The following GPR107 variants were observed in gnomAD, a reference collection of about 807,000 sequenced individuals.
The protein encoded by GPR107 is protein GPR107.
GPR107 carries 31 observed loss-of-function variants against 75.5 expected under a neutral mutation model. The observed-to-expected ratio is 0.41, with a 90% CI of 0.31 to 0.55. The LOEUF (loss-of-function observed/expected upper bound fraction) is 0.55. Ranked by LOEUF, GPR107 falls within the 20% of genes least tolerant of loss-of-function variation. The pLI, the probability that GPR107 is intolerant of heterozygous loss-of-function variation, is 0.26. For synonymous variants in GPR107, 267 were observed against 251.3 expected (o/e 1.06, Z -0.59); for missense variants, 572 against 665.7 (o/e 0.86, Z 1.55).
At chr9:130,054,907 C>CTCCCCAAACCTG (rs1289058479) in intron 1 of GPR107, among the ~76,000 whole-genome samples, 2 of 152,136 alleles carry the variant, frequency 1.3e-5, no homozygotes, top group Non-Finnish European at 2.9e-5. Flanking sequence ...TAAGGACCCC[C>CTCCCCAAACCTG]TCCCCAAACC....
intron 15 of GPR107, among the ~76,000 whole-genome samples, chr9:130,125,171 T>C (rs1042949068): frequency 1.5e-5 from 2 of 134,736 alleles, no homozygotes; most frequent in African/African-American, 2.8e-5. Flanking sequence ...CGATCTTCGC[T>C]CACTGCAATC....
chr9:130,114,957 G>T lies in GPR107; in HGVS notation c.1306+7418G>T, dbSNP rs538100040. On this transcript the variant is annotated intron_variant, in intron 14 of 17. Transcript: ENST00000347136. ...TGTTTAAGATGTCTGTTAGTCCAGG[G>T]CAGCTTATGCCAAAGAACTCTGTTG... Among the ~76,000 whole-genome samples the T allele has an allele frequency of 9.2e-5, 14 of 152,280 alleles. No individual in the cohort carries two copies. In the East Asian group the frequency reaches 2.7e-3, roughly 29 times the overall value.
chr9:130,139,204 A>G lies in GPR107; in HGVS notation c.*4083A>G, dbSNP rs1158432000. The G allele has an allele frequency of 1.3e-5, 2 of 152,188 alleles. No homozygotes were observed. Among genetic ancestry groups the G allele is most frequent in the African/African-American group, 4.8e-5 (2 of 41,438 alleles). 9.4% of individuals were successfully genotyped at this position (152,188 alleles called of 1,614,324 possible). A position where few individuals can be genotyped will look rare whatever the true frequency, so the allele number is the denominator to read the frequency against. On this transcript the variant is annotated 3_prime_UTR_variant, in exon 18 of 18. Transcript: ENST00000347136. The stretch of plus-strand genomic sequence containing the variant: ...TCAGCAAGTTAATGGCTTCCTCGCT[A>G]TAGAAGTGAGACTTTGACTTGATGC...
At chr9:130,124,882 C>A in intron 14 of GPR107, 33 bp from the exon 15 acceptor site, 1 of 1,404,048 alleles carries the variant, frequency 7.1e-7, no homozygotes, top group Non-Finnish European at 9.9e-7. Flanking sequence ...GAGAAGTTAA[C>A]GAGCTCTTCA....
In GPR107 at chr9:130,103,449, G is replaced by A. The variant is rs1486144256; in HGVS notation, c.1132-971G>A. ...CCATTCCCAGTGGTAATCTTCAAAAGGATGTATTATAAGTGGTAAATTTCC... is the reference window on the plus strand; with the variant it reads ...CCATTCCCAGTGGTAATCTTCAAAAAGATGTATTATAAGTGGTAAATTTCC... On this transcript the variant is annotated intron_variant, in intron 12 of 17. Coordinates refer to ENST00000347136, the MANE Select transcript of GPR107 (RefSeq NM_020960.5). This position sits in a 1 kb window ranked among gnomAD's most constrained non-coding sequence, Gnocchi z 4.3. Among the ~76,000 whole-genome samples the A allele has an allele frequency of 6.6e-6, 1 of 152,158 alleles. No individual in the cohort carries two copies. Among genetic ancestry groups the A allele is most frequent in the Non-Finnish European group, 1.5e-5 (1 of 68,034 alleles).
intron 1 of GPR107, among the ~76,000 whole-genome samples, chr9:130,073,251 T>C (rs1213467566): frequency 6.6e-6 from 1 of 152,262 alleles, no homozygotes; most frequent in Non-Finnish European, 1.5e-5. Context: ...CTGAGGATTC[T>C]GCCAGAGAAT....
intron 4 of GPR107, 82 bp downstream of exon 4, chr9:130,077,460 G>C: frequency 1.3e-6 from 1 of 780,874 alleles, no homozygotes; most frequent in Non-Finnish European, 2.3e-6. Context: ...TTCCTTGGGT[G>C]TCTGCCATGT....
chr9:130,082,580 C>T (rs142621534), intron 5 of GPR107, among the ~76,000 whole-genome samples: 3,287 of 150,514 alleles, frequency 0.022, 52 homozygotes, highest in Middle Eastern at 0.035. Context: ...CCCAGGTTCA[C>T]GCCATTCTCC....
At chr9:130,070,408 A>G (rs1830176558) in intron 1 of GPR107, among the ~76,000 whole-genome samples, 1 of 152,014 alleles carries the variant, frequency 6.6e-6, no homozygotes, top group South Asian at 2.1e-4. Flanking sequence ...GGTTCAAGTT[A>G]TTCTCCTGCC....
intron 1 of GPR107, among the ~76,000 whole-genome samples, chr9:130,066,765 C>A (rs1365716133): frequency 1.3e-5 from 2 of 152,112 alleles, no homozygotes; most frequent in African/African-American, 4.8e-5. Context: ...GCAGGCAGAT[C>A]ACGAGGTCAG....
chr9:130,112,621 G>T lies in GPR107; in HGVS notation c.1306+5082G>T, dbSNP rs186201235. Among the ~76,000 whole-genome samples the T allele has an allele frequency of 6.6e-6, 1 of 152,340 alleles. No homozygotes were observed. The highest frequency in any genetic ancestry group is 6.5e-5 in the Admixed American group (1 of 15,300). ...CTTTTAATATTCTGTGAGACAGCATGGGAGGTGTGCACACAGCACTGCTGC... is the reference window on the plus strand; with the variant it reads ...CTTTTAATATTCTGTGAGACAGCATTGGAGGTGTGCACACAGCACTGCTGC... On this transcript the variant is annotated intron_variant, in intron 14 of 17. Transcript: ENST00000347136. This position sits in a 1 kb window ranked among gnomAD's most constrained non-coding sequence, Gnocchi z 4.0.
Position 130,135,245 on chromosome 9 carries a change from T to G in GPR107, c.*124T>G. 1 of 586,106 alleles carries G rather than the reference T, an allele frequency of 1.7e-6. No homozygotes were observed. The highest frequency in any genetic ancestry group is 3.0e-6 in the Non-Finnish European group (1 of 332,734). 36.3% of individuals were successfully genotyped at this position (586,106 alleles called of 1,614,324 possible). ...CCACCGACAGTGACACCAGGGCACATGGCTGGAGCACAGTGCCGCGGAAAC... is the reference window on the plus strand; with the variant it reads ...CCACCGACAGTGACACCAGGGCACAGGGCTGGAGCACAGTGCCGCGGAAAC... On this transcript the variant is annotated 3_prime_UTR_variant, in exon 18 of 18. Coordinates refer to ENST00000347136, the MANE Select transcript of GPR107 (RefSeq NM_020960.5).
chr9:130,123,628 C>T (rs954204849), intron 14 of GPR107, among the ~76,000 whole-genome samples: 5 of 150,234 alleles, frequency 3.3e-5, no homozygotes, highest in Admixed American at 3.3e-4. Context: ...CTCAGCCCCC[C>T]AAGTAGGCAG....
At chr9:130,122,194 GGA>G (rs1831564280) in intron 14 of GPR107, among the ~76,000 whole-genome samples, 1 of 152,160 alleles carries the variant, frequency 6.6e-6, no homozygotes, top group South Asian at 2.1e-4. Context: ...CCCAGCCTCA[GGA>G]GAGACTTTTA....
rs1404472551 is a variant in GPR107 at position 130,112,522 on chromosome 9, GA to G, written c.1306+4988del. Reference sequence around the variant, plus strand: ...TTACTGTCACCTACTCACAGGGGGTGAAAAAGGCTCATATCACTTAAGAATG... The same window carrying G: ...TTACTGTCACCTACTCACAGGGGGTGAAAAGGCTCATATCACTTAAGAATG... On this transcript the variant is annotated intron_variant, in intron 14 of 17. Transcript: ENST00000347136. This position sits in a 1 kb window ranked among gnomAD's most constrained non-coding sequence, Gnocchi z 4.0. 1.3e-5 allele frequency among the ~76,000 whole-genome samples: 2 copies of G among 152,092 alleles called. No homozygotes were observed. The highest frequency in any genetic ancestry group is 2.9e-5 in the Non-Finnish European group (2 of 68,002).
chr9:130,120,362 A>G (rs1469053785), intron 14 of GPR107, among the ~76,000 whole-genome samples: 3 of 152,130 alleles, frequency 2.0e-5, no homozygotes, highest in Non-Finnish European at 4.4e-5. Context: ...GCGACGCATG[A>G]TGCCAGGGAG....
At chr9:130,077,442 T>A in intron 4 of GPR107, 64 bp downstream of exon 4, 1 of 843,716 alleles carries the variant, frequency 1.2e-6, no homozygotes, top group Non-Finnish European at 2.1e-6. Context: ...TTTAGTAGTA[T>A]GCTAACATTC....
At chr9:130,092,999 C>T (rs1190581651) in intron 9 of GPR107, among the ~76,000 whole-genome samples, 1 of 151,982 alleles carries the variant, frequency 6.6e-6, no homozygotes, top group Non-Finnish European at 1.5e-5. Context: ...CAGTCCAGGA[C>T]TGAGAGTAAA....
At position 130,053,946 on chromosome 9, in the gene GPR107, C is replaced by A; in HGVS notation, c.14C>A (p.Ala5Glu). The A allele has an allele frequency of 6.4e-7, 1 of 1,556,296 alleles. No individual in the cohort carries two copies. Among genetic ancestry groups the A allele is most frequent in the Non-Finnish European group, 8.7e-7 (1 of 1,151,742 alleles). Residue 5 changes from alanine to glutamate, a missense_variant, in exon 1 of 18, where the codon GCG (alanine) becomes GAG (glutamate). Transcript: ENST00000347136. ...GCTGGAACAAACATGGCCGCTCTGG[C>A]GCCCGTCGGCTCCCCCGCCTCCCGC... is the stretch of plus-strand genomic sequence containing the variant. MAAL[A>E]PVGSPASRGP...
Sources: allele counts gnomAD v4.1 joint callset (sites outside exome capture counted in the v4.1 genomes callset), GRCh38; gene constraint gnomAD v4.1.1; non-coding constraint Gnocchi (gnomAD v3.1); transcripts MANE v1.5; gene names NCBI Gene and HGNC (gene_info 2026-07-23, HGNC 2026-07-21).